The following KLHL2 variants were observed in gnomAD, a reference collection of about 807,000 sequenced individuals.
KLHL2 encodes the protein kelch-like protein 2.
Under a neutral mutation model 75.8 loss-of-function variants are expected in KLHL2, and 15 were observed. That is an observed-to-expected ratio of 0.20 (90% CI 0.13 to 0.30). The LOEUF (loss-of-function observed/expected upper bound fraction) is 0.30. KLHL2 is among the 10% of genes least tolerant of loss of function. The pLI, the probability that KLHL2 is intolerant of heterozygous loss-of-function variation, is 1.00. For missense variants in KLHL2, 381 were observed against 741.0 expected, an observed-to-expected ratio of 0.51 and a Z score of 5.64; for synonymous variants, 214 against 251.9, an observed-to-expected ratio of 0.85 and a Z score of 1.42.
chr4:165,297,532 TGTA>T lies in KLHL2; in HGVS notation c.655-74_655-72del, dbSNP rs1579149722. 13 of 836,496 alleles carry T rather than the reference TGTA, an allele frequency of 1.6e-5. No individual in the cohort carries two copies. The East Asian group carries it at 2.9e-4, about 19-fold the overall frequency. 51.8% of individuals were successfully genotyped at this position (836,496 alleles called of 1,614,324 possible). A position where few individuals can be genotyped will look rare whatever the true frequency, so the allele number is the denominator to read the frequency against. On this transcript the variant is annotated intron_variant, in intron 6 of 14. Transcript: ENST00000226725. ...GTCTTAGCAAGAGTTATATATAAAATGTAGTCTCATATTTTATCCAGATGCCTT... is the reference window on the plus strand; with the variant it reads ...GTCTTAGCAAGAGTTATATATAAAATGTCTCATATTTTATCCAGATGCCTT...
At chr4:165,317,186 C>T (rs1746649581) in intron 13 of KLHL2, among the ~76,000 whole-genome samples, 1 of 151,078 alleles carries the variant, frequency 6.6e-6, no homozygotes, top group African/African-American at 2.4e-5. Flanking sequence ...CCTTAAGATT[C>T]CCTAAGTAGC....
intron 4 of KLHL2, among the ~76,000 whole-genome samples, chr4:165,248,896 A>G (rs1740471151): frequency 2.0e-5 from 3 of 152,152 alleles, no homozygotes; most frequent in Admixed American, 1.3e-4. Context: ...AATATATGTT[A>G]TTGTTTATGC....
intron 10 of KLHL2, 143 bp downstream of exon 10, chr4:165,310,893 C>T (rs532958936): frequency 5.2e-5 from 34 of 647,850 alleles, no homozygotes; most frequent in East Asian, 1.4e-4. Context: ...CTTGCTCCGT[C>T]GCCCAGGCTG....
At chr4:165,283,806 G>A (rs945349397) in intron 5 of KLHL2, among the ~76,000 whole-genome samples, 4 of 152,152 alleles carry the variant, frequency 2.6e-5, no homozygotes, top group South Asian at 2.1e-4. Flanking sequence ...TGAGGACCCC[G>A]CCCCTGCAGC....
At chr4:165,211,864 C>G (rs1315322653) in intron 1 of KLHL2, among the ~76,000 whole-genome samples, 1 of 152,256 alleles carries the variant, frequency 6.6e-6, no homozygotes, top group East Asian at 1.9e-4. Flanking sequence ...ATGCCCCAAA[C>G]CTTTTGTTTC....
At chr4:165,218,514 T>TC (rs1320751174) in intron 1 of KLHL2, among the ~76,000 whole-genome samples, 1 of 152,088 alleles carries the variant, frequency 6.6e-6, no homozygotes. Flanking sequence ...CCCTCCACCG[T>TC]CCCCACATTT....
intron 1 of KLHL2, chr4:165,208,348 T>G: frequency 6.5e-6 from 1 of 152,788 alleles, no homozygotes; most frequent in Non-Finnish European, 1.5e-5. Context: ...GGTTGCTTGA[T>G]TCCCCGAATT....
At chr4:165,312,822 G>A (rs1034217877) in intron 11 of KLHL2, among the ~76,000 whole-genome samples, 1 of 152,130 alleles carries the variant, frequency 6.6e-6, no homozygotes, top group Non-Finnish European at 1.5e-5. Context: ...AGTACTTCAT[G>A]CCTTTTTAAT....
intron 5 of KLHL2, chr4:165,278,052 A>G: frequency 6.5e-7 from 1 of 1,533,364 alleles, no homozygotes; most frequent in East Asian, 2.2e-5. Context: ...AAAAAGCCCA[A>G]GGGCAGACTA....
chr4:165,293,475 A>G (rs1456494342), intron 5 of KLHL2, among the ~76,000 whole-genome samples: 2 of 151,764 alleles, frequency 1.3e-5, no homozygotes, highest in Admixed American at 6.6e-5. Context: ...AGAGCTATCT[A>G]TATCATAAAC....
chr4:165,305,784 C>G, intron 9 of KLHL2, 59 bp downstream of exon 9: 3 of 1,137,376 alleles, frequency 2.6e-6, no homozygotes, highest in Non-Finnish European at 4.0e-6. Context: ...GCTTCTTTTT[C>G]AGGTCTTATT....
chr4:165,235,749 A>G (rs1436677968), intron 3 of KLHL2, among the ~76,000 whole-genome samples: 4 of 152,030 alleles, frequency 2.6e-5, no homozygotes, highest in Admixed American at 6.6e-5. Flanking sequence ...CCACTAACAG[A>G]TAAGGCTACC....
chr4:165,296,985 G>T (rs1469334492), intron 6 of KLHL2, among the ~76,000 whole-genome samples: 2 of 151,964 alleles, frequency 1.3e-5, no homozygotes, highest in African/African-American at 2.4e-5. Context: ...AAGTATGAGA[G>T]AATTAGTTTC....
chr4:165,294,541 T>A, intron 6 of KLHL2, 73 bp downstream of exon 6: 1 of 779,650 alleles, frequency 1.3e-6, no homozygotes, highest in Non-Finnish European at 2.1e-6. Flanking sequence ...CTTTTTTTTA[T>A]AGCTTTGTGA....
Position 165,320,819 on chromosome 4 carries a change from G to A in KLHL2, c.1754-1213G>A, listed in dbSNP as rs188368139. ...AGAAATCATGAAAGAGATCATGGAT[G>A]TGGCTATAAAGGTTGATGGTGAAGG... is the stretch of plus-strand genomic sequence containing the variant. On this transcript the variant is annotated intron_variant, in intron 14 of 14. Transcript: ENST00000226725. 2.6e-5 allele frequency among the ~76,000 whole-genome samples: 4 copies of A among 152,346 alleles called. No individual in the cohort carries two copies. The East Asian group carries it at 5.8e-4, about 22-fold the overall frequency.
chr4:165,251,702 C>T (rs371977327), intron 4 of KLHL2, among the ~76,000 whole-genome samples: 28 of 149,814 alleles, frequency 1.9e-4, no homozygotes, highest in Middle Eastern at 3.4e-3. Context: ...CTCCGCCTCC[C>T]GGGTTCACGC....
intron 4 of KLHL2, among the ~76,000 whole-genome samples, chr4:165,239,162 A>T (rs1010067855): frequency 6.6e-6 from 1 of 151,912 alleles, no homozygotes; most frequent in African/African-American, 2.4e-5. Context: ...TGTCATATTC[A>T]TTTATAACTG....
At chr4:165,277,858 G>A (rs1185187878) in intron 5 of KLHL2, 48 of 776,712 alleles carry the variant, frequency 6.2e-5, no homozygotes, top group African/African-American at 2.7e-4. Flanking sequence ...GGAGGGTCAC[G>A]CAGCAAGTGG....
intron 2 of KLHL2, among the ~76,000 whole-genome samples, chr4:165,227,043 T>C (rs1578991162): frequency 1.3e-5 from 2 of 152,222 alleles, no homozygotes; most frequent in African/African-American, 2.4e-5. Flanking sequence ...ACCCTAGTTA[T>C]ATGTGAACCC....
Sources: gnomAD v4.1 joint callset for allele counts (sites outside exome capture counted in the v4.1 genomes callset) on GRCh38, gnomAD v4.1.1 for gene constraint, MANE v1.5 for transcripts, NCBI Gene and HGNC (gene_info 2026-07-23, HGNC 2026-07-21) for gene names.